The following SLC6A12 variants were observed in gnomAD, a reference collection of about 807,000 sequenced individuals.
SLC6A12 encodes solute carrier family 6 member 12.
A neutral mutation model predicts 73.3 loss-of-function variants in SLC6A12; 50 were observed. The observed-to-expected ratio is 0.68, with a 90% CI of 0.54 to 0.86. The LOEUF is 0.86. Ranked by LOEUF, SLC6A12 falls within the 40% of genes least tolerant of loss-of-function variation. SLC6A12 has a pLI of 0.00. For missense variants in SLC6A12, 648 were observed against 772.8 expected (o/e 0.84, Z 1.92); for synonymous variants, 304 against 309.2 (o/e 0.98, Z 0.18).
intron 6 of SLC6A12, 136 bp from the exon 7 acceptor site, chr12:200,919 CCA>C (rs1940226674): frequency 1.2e-6 from 1 of 821,628 alleles, no homozygotes; most frequent in South Asian, 1.8e-5. Context: ...CCCACCTCCC[CCA>C]CAGTCAGGCC....
intron 10 of SLC6A12, 25 bp from the exon 11 acceptor site, chr12:196,907 G>A (rs756296661): frequency 6.4e-7 from 1 of 1,558,550 alleles, no homozygotes; most frequent in African/African-American, 1.4e-5. Context: ...GCACAGTCAG[G>A]GAGGCTCCAG....
chr12:187,464 C>T (rs1939450920), downstream of SLC6A12, among the ~76,000 whole-genome samples: 1 of 151,604 alleles, frequency 6.6e-6, no homozygotes, highest in African/African-American at 2.4e-5. Context: ...TTTTTTTCCT[C>T]CCGATGGTTC....
chr12:193,625 C>A (rs371844842), intron 13 of SLC6A12, among the ~76,000 whole-genome samples: 6 of 152,230 alleles, frequency 3.9e-5, no homozygotes, highest in African/African-American at 1.4e-4. Flanking sequence ...CTGTCTCTTG[C>A]CTCCCTGTCT....
downstream of SLC6A12, among the ~76,000 whole-genome samples, chr12:187,604 A>C (rs113021149): frequency 1.0e-3 from 17 of 16,862 alleles, no homozygotes; most frequent in Non-Finnish European, 3.2e-3. Context: ...AAAAAAAAAA[A>C]AAAAAAAAAA....
intron 15 of SLC6A12, among the ~76,000 whole-genome samples, chr12:191,612 C>T (rs978497673): frequency 6.6e-6 from 1 of 152,050 alleles, no homozygotes; most frequent in African/African-American, 2.4e-5. Context: ...TTATTATGTG[C>T]TCAATAAGTA....
Position 200,238 on chromosome 12 carries a change from A to G in SLC6A12, c.711+413T>C, listed in dbSNP as rs904678073. On this transcript the variant is annotated intron_variant, in intron 7 of 15. Coordinates refer to ENST00000684302, the MANE Select transcript of SLC6A12 (RefSeq NM_001122848.3). The stretch of plus-strand genomic sequence containing the variant: ...ATTCTCCTGCCTCAGCCTCCTGCAT[A>G]GCTGGGACTACAGGTGCCCACCACC... Among the ~76,000 whole-genome samples, 14 of 149,042 alleles carry G rather than the reference A, an allele frequency of 9.4e-5. 1 individual carries two copies. Among genetic ancestry groups the G allele is most frequent in the African/African-American group, 3.2e-4 (13 of 40,010 alleles).
In SLC6A12 at chr12:192,551, G is replaced by C. The variant is rs770954629; in HGVS notation, c.1628C>G (p.Ala543Gly). Reference sequence around the variant, plus strand: ...TGGGACACAGACCATGGAGGACAGAGCCAGGAACCAGCCAATGGAGTATCC... The same window carrying C: ...TGGGACACAGACCATGGAGGACAGACCCAGGAACCAGCCAATGGAGTATCC... ...PWGYSIGWFL[A>G]LSSMVCVPLF... The change falls in exon 15 of 16, where the codon GCT becomes GGT. Residue 543 changes from alanine to glycine, a missense_variant. By Grantham distance (60) the Ala-to-Gly change is moderately conservative (BLOSUM62 0). Coordinates refer to ENST00000684302, the MANE Select transcript of SLC6A12 (RefSeq NM_001122848.3). The C allele has an allele frequency of 6.2e-7, 1 of 1,614,134 alleles. No individual in the cohort carries two copies. Among genetic ancestry groups the C allele is most frequent in the Admixed American group, 1.7e-5 (1 of 60,020 alleles).
intron 3 of SLC6A12, among the ~76,000 whole-genome samples, chr12:207,392 G>A (rs1356051490): frequency 6.6e-6 from 1 of 152,200 alleles, no homozygotes; most frequent in Non-Finnish European, 1.5e-5. Flanking sequence ...CGGATAATGG[G>A]AACTTCCTAA....
At chr12:201,431 T>A in intron 6 of SLC6A12, 1 of 276,346 alleles carries the variant, frequency 3.6e-6, no homozygotes, top group Admixed American at 4.8e-5. Context: ...AGCATGGCAG[T>A]GGGAAGAGAC....
downstream of SLC6A12, among the ~76,000 whole-genome samples, chr12:186,394 G>C (rs77827781): frequency 6.6e-6 from 1 of 152,192 alleles, no homozygotes; most frequent in Admixed American, 6.5e-5. Flanking sequence ...ATTATCTACT[G>C]CTGTGTAAAA....
intron 14 of SLC6A12, 147 bp from the exon 15 acceptor site, chr12:192,795 G>A: frequency 4.2e-6 from 3 of 720,792 alleles, no homozygotes; most frequent in Non-Finnish European, 4.7e-6. Flanking sequence ...CAAATCCCAG[G>A]CCAAGGCATC....
At chr12:184,567 G>A in the SLC6A12 span, among the ~76,000 whole-genome samples, 592 of 152,152 alleles carry the variant, frequency 3.9e-3, 2 homozygotes, top group African/African-American at 0.013. Context: ...TGGCTAACAC[G>A]GTGAAACCCC....
At chr12:192,411 T>C in intron 15 of SLC6A12, 67 bp downstream of exon 15, 2 of 1,439,994 alleles carry the variant, frequency 1.4e-6, no homozygotes, top group East Asian at 2.3e-5. Flanking sequence ...CAGTTGTGTG[T>C]CCTGCCCCAA....
intron 12 of SLC6A12, among the ~76,000 whole-genome samples, chr12:195,695 G>C (rs1386390579): frequency 6.6e-6 from 1 of 152,128 alleles, no homozygotes; most frequent in Non-Finnish European, 1.5e-5. Context: ...CTCAGGAAAA[G>C]GGCCCTCTCT....
downstream of SLC6A12, among the ~76,000 whole-genome samples, chr12:188,119 A>G (rs1939469083): frequency 6.6e-6 from 1 of 152,082 alleles, no homozygotes; most frequent in African/African-American, 2.4e-5. Context: ...GTGCGCCCGC[A>G]CTTCTCAGCC....
At chr12:192,981 A>G (rs537668170) in intron 14 of SLC6A12, 40 of 512,872 alleles carry the variant, frequency 7.8e-5, no homozygotes, top group South Asian at 5.3e-4. Context: ...GGAAGGGCTC[A>G]GAAGAGAAGC....
rs1411353222 is a variant in SLC6A12 at position 197,149 on chromosome 12, CCA to C, written c.1075+226_1075+227del. Among the ~76,000 whole-genome samples, 383 of 134,748 alleles carry C rather than the reference CCA, an allele frequency of 2.8e-3. 14 individuals are homozygous for C. The highest frequency in any genetic ancestry group is 0.015 in the Middle Eastern group (4 of 260). 88.4% of individuals were successfully genotyped at this position (134,748 alleles called of 152,430 possible). ...TCCATCCATCCATCCATCCATCCAT[CCA>C]TCCATCCATCCATCCATCCATCCAT... is the stretch of plus-strand genomic sequence containing the variant. On this transcript the variant is annotated intron_variant, in intron 10 of 15. Transcript: ENST00000684302.
At chr12:211,049 A>C (rs1940886081) in intron 2 of SLC6A12, 1 of 152,208 alleles carries the variant, frequency 6.6e-6, no homozygotes, top group Non-Finnish European at 1.5e-5. Flanking sequence ...AATCGCCCTG[A>C]GGCCACCTCT....
intron 7 of SLC6A12, chr12:199,906 AC>A (rs1367087646): frequency 6.6e-6 from 1 of 152,212 alleles, no homozygotes; most frequent in African/African-American, 2.4e-5. Flanking sequence ...GTTGTTAAAT[AC>A]AACAACAAGT....
Sources: gnomAD v4.1 joint callset for allele counts (sites outside exome capture counted in the v4.1 genomes callset) on GRCh38, gnomAD v4.1.1 for gene constraint, MANE v1.5 for transcripts, NCBI Gene and HGNC (gene_info 2026-07-23, HGNC 2026-07-21) for gene names.